Variants in MYH16 observed in about 807,000 individuals in gnomAD.
MYH16 encodes myosin heavy chain 16, also known as putative uncharacterized protein MYH16.
intron 1 of MYH16, among the ~76,000 whole-genome samples, chr7:99,239,434 G>A (rs1791637235): frequency 6.6e-6 from 1 of 152,114 alleles, no homozygotes; most frequent in African/African-American, 2.4e-5. Context: ...GTGGCATGAG[G>A]GCCATGAGAG....
At chr7:99,303,124 C>G (rs775289758) in exon 39 of MYH16, 2 of 152,732 alleles carry the variant, frequency 1.3e-5, no homozygotes, top group African/African-American at 4.8e-5. Flanking sequence ...GCATCTCCAA[C>G]GAGCATGAGG....
At chr7:99,295,051 AG>A (rs1177630303) in intron 33 of MYH16, among the ~76,000 whole-genome samples, 1 of 151,916 alleles carries the variant, frequency 6.6e-6, no homozygotes, top group African/African-American at 2.4e-5. Context: ...ATAAATAAAT[AG>A]GGTCACAAGC....
At chr7:99,271,803 G>T (rs747737453) in intron 19 of MYH16, among the ~76,000 whole-genome samples, 27 of 152,154 alleles carry the variant, frequency 1.8e-4, no homozygotes, top group Non-Finnish European at 3.5e-4. Context: ...GGGCTTGAGT[G>T]ATACTCCCAC....
rs1332529056 is a variant in MYH16, at chr7:99,285,452, G to A, written n.3373+14G>A. 6.6e-6 allele frequency: 3 copies of A among 456,558 alleles called. No homozygotes were observed. Among genetic ancestry groups the A allele is most frequent in the South Asian group, 1.5e-5 (1 of 64,568 alleles). The allele number at this position is 456,558 out of a possible 1,614,324, so 28.3% of individuals were successfully genotyped here. A position where few individuals can be genotyped will look rare whatever the true frequency, so the allele number is the denominator to read the frequency against. On this transcript the variant is annotated intron_variant and non_coding_transcript_variant, in intron 27 of 41. Transcript: ENST00000439784. Reference sequence around the variant, plus strand: ...ATGAGAGCCAAGGTAAATGAAATACGTTTCCCCTTCTTGAGTCAAAAGACC... The same window carrying A: ...ATGAGAGCCAAGGTAAATGAAATACATTTCCCCTTCTTGAGTCAAAAGACC...
At chr7:99,294,627 G>A (rs969849091) in intron 33 of MYH16, among the ~76,000 whole-genome samples, 9 of 150,490 alleles carry the variant, frequency 6.0e-5, no homozygotes, top group Non-Finnish European at 1.3e-4. Context: ...GTACAGTGGC[G>A]TGATCTCAGC....
exon 29 of MYH16, chr7:99,288,059 G>C (rs1302270618): frequency 6.6e-6 from 3 of 456,674 alleles, no homozygotes; most frequent in Non-Finnish European, 1.3e-5. Flanking sequence ...TCAAGTCCAA[G>C]CTAGAGAAAG....
At chr7:99,297,552 T>C in intron 34 of MYH16, 108 bp from the exon 16 acceptor site, 1 of 377,320 alleles carries the variant, frequency 2.7e-6, no homozygotes, top group Non-Finnish European at 5.2e-6. Flanking sequence ...ATGTCTGCAA[T>C]CCTGGCACTT....
intron 37 of MYH16, 32 bp downstream of exon 18, chr7:99,299,690 C>T (rs564989542): frequency 6.5e-5 from 10 of 153,238 alleles, no homozygotes; most frequent in African/African-American, 2.4e-4. Context: ...AAATGAGATA[C>T]AAGGCACACC....
intron 20 of MYH16, among the ~76,000 whole-genome samples, chr7:99,275,721 G>A (rs1383368040): frequency 6.6e-6 from 1 of 152,088 alleles, no homozygotes. Context: ...ACAGAACAAG[G>A]TCCTGTTCTA....
chr7:99,276,510 G>C (rs539074596), intron 20 of MYH16, among the ~76,000 whole-genome samples: 3 of 152,270 alleles, frequency 2.0e-5, no homozygotes, highest in Non-Finnish European at 4.4e-5. Context: ...TGGTAGGACC[G>C]GACGGAGCCT....
intron 36 of MYH16, among the ~76,000 whole-genome samples, chr7:99,298,476 G>A (rs983168581): frequency 6.6e-6 from 1 of 151,994 alleles, no homozygotes; most frequent in Non-Finnish European, 1.5e-5. Flanking sequence ...CAAGTGATCC[G>A]CCCACCTCAG....
At chr7:99,264,115 A>G (rs150097559) in intron 14 of MYH16, 1 of 152,254 alleles carries the variant, frequency 6.6e-6, no homozygotes, top group African/African-American at 2.4e-5. Context: ...TCCTCACATG[A>G]GGGTCCCCCT....
chr7:99,268,179 G>A (rs1421122958), intron 18 of MYH16, among the ~76,000 whole-genome samples: 1 of 152,188 alleles, frequency 6.6e-6, no homozygotes, highest in Non-Finnish European at 1.5e-5. Context: ...GGAACTGTTT[G>A]TTTTGGCATC....
chr7:99,294,609 A>G (rs1278407268), intron 33 of MYH16, among the ~76,000 whole-genome samples: 4 of 150,018 alleles, frequency 2.7e-5, no homozygotes, highest in Non-Finnish European at 5.9e-5. Flanking sequence ...CTTGTTGCCC[A>G]GGCTGGAGTA....
intron 21 of MYH16, among the ~76,000 whole-genome samples, chr7:99,278,412 C>T (rs1792148934): frequency 6.6e-6 from 1 of 152,192 alleles, no homozygotes; most frequent in African/African-American, 2.4e-5. Flanking sequence ...CACTCCAAGC[C>T]TTGTTTTCCT....
chr7:99,257,467 G>C (rs1459986763), intron 10 of MYH16: 1 of 153,432 alleles, frequency 6.5e-6, no homozygotes, highest in African/African-American at 2.4e-5. Context: ...GGGCTGCTCA[G>C]GGACAAGGTG....
intron 22 of MYH16, 95 bp downstream of exon 4, chr7:99,279,832 CACT>C: frequency 2.7e-6 from 1 of 374,486 alleles, no homozygotes; most frequent in South Asian, 1.9e-5. Context: ...GTGCCCTGAC[CACT>C]GACCACATGG....
chr7:99,285,481 C>T (rs181488683), intron 27 of MYH16, 43 bp downstream of exon 9: 1 of 456,330 alleles, frequency 2.2e-6, no homozygotes, highest in Non-Finnish European at 4.4e-6. Context: ...AAAGACCTAA[C>T]GGCAGTCACA....
chr7:99,305,152 G>A (rs1237743229), intron 40 of MYH16, among the ~76,000 whole-genome samples: 1 of 151,948 alleles, frequency 6.6e-6, no homozygotes, highest in Non-Finnish European at 1.5e-5. Context: ...TAGCACTACT[G>A]CACTTCAGCC....
Sources: allele counts gnomAD v4.1 joint callset (sites outside exome capture counted in the v4.1 genomes callset), GRCh38; gene constraint gnomAD v4.1.1; transcripts MANE v1.5; gene names NCBI Gene and HGNC (gene_info 2026-07-23, HGNC 2026-07-21).